Variants in RAD51B observed in about 807,000 individuals in gnomAD.
RAD51B encodes RAD51 paralog B.
RAD51B carries 38 observed loss-of-function variants against 42.2 expected under a neutral mutation model. The ratio of observed to expected loss-of-function variants is 0.90; its 90% CI spans 0.70 to 1.18. RAD51B has a LOEUF of 1.18. RAD51B is among the 50% of genes most tolerant of loss of function. The pLI, the probability that RAD51B is intolerant of heterozygous loss-of-function variation, is 0.00. For synonymous variants in RAD51B, 154 were observed against 145.2 expected (o/e 1.06, Z -0.43); for missense variants, 373 against 400.7 (o/e 0.93, Z 0.59).
intron 10 of RAD51B, among the ~76,000 whole-genome samples, chr14:68,623,320 C>T (rs899068429): frequency 6.6e-6 from 1 of 152,176 alleles, no homozygotes; most frequent in Non-Finnish European, 1.5e-5. Flanking sequence ...ACCCACAGTA[C>T]GGTGTCACTC....
chr14:68,111,765 C>G (rs1185983009), intron 7 of RAD51B, among the ~76,000 whole-genome samples: 1 of 152,076 alleles, frequency 6.6e-6, no homozygotes, highest in Non-Finnish European at 1.5e-5. Flanking sequence ...CCTGAAATGG[C>G]TGTCAGCAAG....
chr14:68,416,801 A>G (rs951179678), intron 9 of RAD51B, among the ~76,000 whole-genome samples: 1 of 152,154 alleles, frequency 6.6e-6, no homozygotes, highest in African/African-American at 2.4e-5. Context: ...GCCTTTGTGT[A>G]AGCAAGCCAG....
intron 10 of RAD51B, among the ~76,000 whole-genome samples, chr14:68,493,712 C>A (rs1884267601): frequency 6.6e-6 from 1 of 152,196 alleles, no homozygotes; most frequent in African/African-American, 2.4e-5. Flanking sequence ...AGAACTCTAG[C>A]CCTGGGAGAA....
intron 7 of RAD51B, among the ~76,000 whole-genome samples, chr14:68,160,864 T>C (rs1431131533): frequency 1.3e-5 from 2 of 152,264 alleles, no homozygotes; most frequent in Non-Finnish European, 2.9e-5. Context: ...CAAGTGCTTT[T>C]CATTGGCTTG....
intron 9 of RAD51B, among the ~76,000 whole-genome samples, chr14:68,436,846 C>G (rs554645401): frequency 1.4e-3 from 216 of 152,184 alleles, no homozygotes; most frequent in African/African-American, 5.1e-3. Flanking sequence ...AGGAATGCTA[C>G]TAATTTTCTG....
chr14:68,528,168 A>G (rs2140343222), intron 10 of RAD51B, among the ~76,000 whole-genome samples: 1 of 152,326 alleles, frequency 6.6e-6, no homozygotes, highest in East Asian at 1.9e-4. Flanking sequence ...TGAATGGAGC[A>G]TAATCCCTGC....
At chr14:68,505,110 T>C (rs1885214325) in intron 10 of RAD51B, among the ~76,000 whole-genome samples, 1 of 152,212 alleles carries the variant, frequency 6.6e-6, no homozygotes, top group African/African-American at 2.4e-5. Flanking sequence ...GGGGCCTGCA[T>C]TGTGATAACA....
At chr14:68,135,725 T>C (rs2077993492) in intron 7 of RAD51B, among the ~76,000 whole-genome samples, 1 of 152,130 alleles carries the variant, frequency 6.6e-6, no homozygotes, top group Non-Finnish European at 1.5e-5. Context: ...TTACATTCCA[T>C]TAAGATTAAA....
At chr14:68,216,269 G>C (rs917909166) in intron 7 of RAD51B, among the ~76,000 whole-genome samples, 5 of 152,148 alleles carry the variant, frequency 3.3e-5, no homozygotes, top group Non-Finnish European at 7.3e-5. Flanking sequence ...TTTTAAACTG[G>C]AGATAACACT....
chr14:67,989,442 G>A (rs996608722), intron 7 of RAD51B, among the ~76,000 whole-genome samples: 2 of 151,850 alleles, frequency 1.3e-5, no homozygotes, highest in African/African-American at 4.8e-5. Context: ...TTCAAGACCA[G>A]CTGACCAACA....
chr14:68,558,147 T>G (rs1888954288), intron 10 of RAD51B, among the ~76,000 whole-genome samples: 1 of 152,214 alleles, frequency 6.6e-6, no homozygotes, highest in Non-Finnish European at 1.5e-5. Flanking sequence ...GCAGTGTGGC[T>G]TTAGCTGTCA....
intron 7 of RAD51B, among the ~76,000 whole-genome samples, chr14:68,108,206 A>G (rs538641372): frequency 1.6e-4 from 25 of 152,042 alleles, no homozygotes; most frequent in Middle Eastern, 6.8e-3. Flanking sequence ...AAAAAATGGG[A>G]ACTCACATTC....
At chr14:67,824,024 T>G (rs1297579853) in intron 2 of RAD51B, among the ~76,000 whole-genome samples, 1 of 152,234 alleles carries the variant, frequency 6.6e-6, no homozygotes, top group East Asian at 1.9e-4. Flanking sequence ...TCTTGCATTT[T>G]TAAGCAAGGT....
downstream of RAD51B, among the ~76,000 whole-genome samples, chr14:68,479,388 C>CCCCT (rs1882981618): frequency 6.6e-6 from 1 of 152,148 alleles, no homozygotes; most frequent in Admixed American, 6.5e-5. Flanking sequence ...TTGTCACCTT[C>CCCCT]CCCTCACCCC....
chr14:68,677,314 G>A (rs770195445), intron 11 of RAD51B, among the ~76,000 whole-genome samples: 11 of 152,164 alleles, frequency 7.2e-5, no homozygotes, highest in Non-Finnish European at 1.3e-4. Flanking sequence ...TTTGGGCCCC[G>A]CTTGGAGGCG....
chr14:68,253,349 A>C (rs991286459), intron 7 of RAD51B, among the ~76,000 whole-genome samples: 3 of 150,604 alleles, frequency 2.0e-5, no homozygotes, highest in African/African-American at 4.9e-5. Context: ...TTTTGGAAAA[A>C]TTTTTCTGTA....
At chr14:68,279,082 T>C (rs1414533510) in intron 7 of RAD51B, among the ~76,000 whole-genome samples, 1 of 152,190 alleles carries the variant, frequency 6.6e-6, no homozygotes, top group African/African-American at 2.4e-5. Context: ...GCCCTTTAAT[T>C]TTGCAATAAA....
chr14:68,339,806 C>T (rs2082534937), intron 8 of RAD51B, among the ~76,000 whole-genome samples: 1 of 152,128 alleles, frequency 6.6e-6, no homozygotes, highest in Non-Finnish European at 1.5e-5. Context: ...TCTGCCTCTC[C>T]TAAGTAGTAA....
At chr14:67,910,405 C>CAAAAAAAA (rs576632132) in intron 7 of RAD51B, among the ~76,000 whole-genome samples, 6 of 9,038 alleles carry the variant, frequency 6.6e-4, no homozygotes, top group South Asian at 4.1e-3. Context: ...GACTCTGTCT[C>CAAAAAAAA]AAAAAAAAAA....
Sources: gnomAD v4.1 joint callset for allele counts (sites outside exome capture counted in the v4.1 genomes callset) on GRCh38, gnomAD v4.1.1 for gene constraint, MANE v1.5 for transcripts, NCBI Gene and HGNC (gene_info 2026-07-23, HGNC 2026-07-21) for gene names.